LETMD1: variants seen among roughly 807,000 people sequenced by gnomAD.
The protein encoded by LETMD1 is LETM1 domain-containing protein 1.
Under a neutral mutation model 43.9 loss-of-function variants are expected in LETMD1, and 30 were observed. The ratio of observed to expected loss-of-function variants is 0.68; its 90% CI spans 0.51 to 0.93. The LOEUF (loss-of-function observed/expected upper bound fraction) is 0.93. LETMD1 is among the 40% of genes least tolerant of loss of function. The pLI, the probability that LETMD1 is intolerant of heterozygous loss-of-function variation, is 0.00. For synonymous variants in LETMD1, 176 were observed against 163.1 expected (o/e 1.08, Z -0.60); for missense variants, 413 against 447.7 (o/e 0.92, Z 0.70).
rs1948737180 is a variant in LETMD1, at chr12:51,060,221, T to C, written c.*790T>C. The C allele has an allele frequency of 6.5e-6, 1 of 152,720 alleles. No individual in the cohort carries two copies. The highest frequency in any genetic ancestry group is 1.5e-5 in the Non-Finnish European group (1 of 68,116). 9.5% of individuals were successfully genotyped at this position (152,720 alleles called of 1,614,324 possible). A position where few individuals can be genotyped will look rare whatever the true frequency, so the allele number is the denominator to read the frequency against. ...CAACTGTAACTGACAGTGGCTGCCT[T>C]CTCTGGGCCATGGATCACACCTGTA... On this transcript the variant is annotated 3_prime_UTR_variant, in exon 9 of 9. Transcript: ENST00000262055.
Position 51,054,318 on chromosome 12 carries a change from C to A in LETMD1, c.473+458C>A, listed in dbSNP as rs184584820. Among the ~76,000 whole-genome samples, 839 of 152,242 alleles carry A rather than the reference C, an allele frequency of 5.5e-3. 4 individuals carry two copies. Among genetic ancestry groups the A allele is most frequent in the African/African-American group, 0.019 (785 of 41,548 alleles). On this transcript the variant is annotated intron_variant, in intron 4 of 8. Coordinates refer to ENST00000262055, the MANE Select transcript of LETMD1 (RefSeq NM_015416.5). Reference sequence around the variant, plus strand: ...AACTTCAAAGCTTAATAGCATAAAACAATCGTATAAATCATTTTCATGATT... The same window carrying A: ...AACTTCAAAGCTTAATAGCATAAAAAAATCGTATAAATCATTTTCATGATT...
intron 5 of LETMD1, 51 bp downstream of exon 5, chr12:51,056,072 G>C (rs532968942): frequency 6.2e-7 from 1 of 1,606,684 alleles, no homozygotes; most frequent in Admixed American, 1.7e-5. Context: ...GTTAGATTCA[G>C]TGTGCACTAA....
At chr12:51,057,983 A>G (rs2136732877) in intron 7 of LETMD1, 49 bp from the exon 8 acceptor site, 2 of 1,163,162 alleles carry the variant, frequency 1.7e-6, no homozygotes, top group Non-Finnish European at 2.6e-6. Flanking sequence ...TTTCCTTGGC[A>G]TAATCATTCT....
chr12:51,058,891 C>G (rs761225091), intron 8 of LETMD1: 14 of 173,240 alleles, frequency 8.1e-5, no homozygotes, highest in Admixed American at 2.3e-4. Context: ...TTGAGAAGTA[C>G]TGGTCTAAAG....
chr12:51,066,453 CAAAA>C, the LETMD1 span, among the ~76,000 whole-genome samples: 6 of 78,136 alleles, frequency 7.7e-5, no homozygotes, highest in South Asian at 5.1e-4. Flanking sequence ...GACTCCGTCT[CAAAA>C]AAAAAAAAAA....
intron 3 of LETMD1, 170 bp downstream of exon 3, chr12:51,052,377 G>C: frequency 1.4e-6 from 1 of 712,914 alleles, no homozygotes; most frequent in Non-Finnish European, 2.2e-6. Flanking sequence ...GTAAGAATTG[G>C]GTTCATCCAG....
At chr12:51,048,269 A>G (rs1348056700), upstream of LETMD1, 6 of 1,573,154 alleles carry the variant, frequency 3.8e-6, no homozygotes, top group Non-Finnish European at 5.2e-6. Flanking sequence ...GCGCTCAGAA[A>G]AGACGCATGC....
chr12:51,064,307 A>G (rs775675839), downstream of LETMD1: 32 of 1,613,482 alleles, frequency 2.0e-5, no homozygotes, highest in East Asian at 7.1e-4. Context: ...GGATGCACAC[A>G]CCCAGGCTCT....
At chr12:51,066,023 A>T in the LETMD1 span, among the ~76,000 whole-genome samples, 1 of 152,216 alleles carries the variant, frequency 6.6e-6, no homozygotes, top group South Asian at 2.1e-4. Context: ...GTCCCCCATC[A>T]GAGGGCCAAC....
At chr12:51,048,936 G>A in intron 1 of LETMD1, 98 bp from the exon 2 acceptor site, 1 of 1,162,258 alleles carries the variant, frequency 8.6e-7, no homozygotes, top group Non-Finnish European at 1.2e-6. Context: ...CAAGCCTTGG[G>A]ATACAATCTC....
At chr12:51,054,099 C>G (rs1566113149) in intron 4 of LETMD1, among the ~76,000 whole-genome samples, 1 of 152,052 alleles carries the variant, frequency 6.6e-6, no homozygotes, top group Non-Finnish European at 1.5e-5. Flanking sequence ...TGCCCTGAGT[C>G]ATGTGAAATA....
At position 51,059,360 on chromosome 12, in the gene LETMD1, G is replaced by A. The variant is rs1948610837; in HGVS notation, c.1013-1G>A. On this transcript the variant is annotated splice_acceptor_variant, in intron 8 of 8. Coordinates refer to ENST00000262055, the MANE Select transcript of LETMD1 (RefSeq NM_015416.5). LOFTEE classifies it high-confidence loss of function. ...CCAAACCACTAACACTGTGTTTTCA[G>A]AAGCTGAGCTGTCTCTCTTGCTGCA... 1 of 1,614,014 alleles carries A rather than the reference G, an allele frequency of 6.2e-7. No homozygotes were observed. Among genetic ancestry groups the A allele is most frequent in the African/African-American group, 1.3e-5 (1 of 74,934 alleles).
intron 3 of LETMD1, among the ~76,000 whole-genome samples, chr12:51,053,098 G>A (rs1946632056): frequency 7.2e-6 from 1 of 139,772 alleles, no homozygotes; most frequent in Non-Finnish European, 1.6e-5. Context: ...GGTGATAAGA[G>A]CAAAACTCTG....
At chr12:51,048,926 C>T (rs1259639163) in intron 1 of LETMD1, 108 bp from the exon 2 acceptor site, 2 of 1,079,002 alleles carry the variant, frequency 1.9e-6, no homozygotes, top group Non-Finnish European at 2.7e-6. Context: ...TCAGAAGTGT[C>T]AAGCCTTGGG....
At chr12:51,064,673 A>G, downstream of LETMD1, 1 of 1,507,814 alleles carries the variant, frequency 6.6e-7, no homozygotes, top group South Asian at 1.4e-5. Flanking sequence ...GATCCACCTG[A>G]GCGGGGACAA....
chr12:51,063,600 A>G (rs1182009325), downstream of LETMD1: 2 of 639,092 alleles, frequency 3.1e-6, no homozygotes, highest in Non-Finnish European at 5.1e-6. Context: ...AAAATACTCA[A>G]ACAATCCTTT....
At chr12:51,056,652 T>A (rs1947832648) in intron 7 of LETMD1, 150 bp downstream of exon 7, 2 of 624,654 alleles carry the variant, frequency 3.2e-6, no homozygotes, top group Non-Finnish European at 5.3e-6. Context: ...TATGATTTAT[T>A]TTTATTTATT....
In LETMD1 at chr12:51,048,453, T is replaced by C. The variant is rs1464250249; in HGVS notation, c.97T>C (p.Ser33Pro). 1 of 1,613,828 alleles carries C rather than the reference T, an allele frequency of 6.2e-7. No homozygotes were observed. Among genetic ancestry groups the C allele is most frequent in the Non-Finnish European group, 8.5e-7 (1 of 1,180,040 alleles). ...FVTRRLQLGRSGLAWGAPRSS... is the reference protein window; with the variant it reads ...FVTRRLQLGRPGLAWGAPRSS... ...CACCCGGAGGCTGCAACTTGGTCGC[T>C]CTGGCCTGGCTTGGGGGGCCCCTCG... The change falls in exon 1 of 9, where the codon TCT (serine) becomes CCT (proline). Residue 33 changes from serine to proline, a missense_variant. By Grantham distance (74) the Ser-to-Pro change is moderately conservative (BLOSUM62 -1). Transcript: ENST00000262055.
At chr12:51,063,134 G>C (rs1338754349), downstream of LETMD1, 2 of 152,158 alleles carry the variant, frequency 1.3e-5, no homozygotes, top group Non-Finnish European at 2.9e-5. Context: ...CCAGTGTGGG[G>C]AACAGGTCAG....
Sources: gnomAD v4.1 joint callset for allele counts (sites outside exome capture counted in the v4.1 genomes callset) on GRCh38, gnomAD v4.1.1 for gene constraint, MANE v1.5 for transcripts, NCBI Gene and HGNC (gene_info 2026-07-23, HGNC 2026-07-21) for gene names.